Variants in DOCK1 observed in about 807,000 individuals in gnomAD.
The protein encoded by DOCK1 is dedicator of cytokinesis 1.
A neutral mutation model predicts 262.7 loss-of-function variants in DOCK1; 138 were observed. The observed-to-expected ratio is 0.53, with a 90% CI of 0.46 to 0.61. The LOEUF (loss-of-function observed/expected upper bound fraction) is 0.61, where lower values mean the gene tolerates loss of function less well. Ranked by LOEUF, DOCK1 falls within the 20% of genes least tolerant of loss-of-function variation. DOCK1 has a pLI of 0.00. For synonymous variants in DOCK1, 866 were observed against 867.4 expected, an observed-to-expected ratio of 1.00 and a Z score of 0.03; for missense variants, 1,908 against 2,370.7, an observed-to-expected ratio of 0.80 and a Z score of 4.05.
At chr10:127,195,352 T>C (rs1302987046) in intron 27 of DOCK1, among the ~76,000 whole-genome samples, 1 of 152,136 alleles carries the variant, frequency 6.6e-6, no homozygotes, top group Non-Finnish European at 1.5e-5. Context: ...CCGGTCTGAC[T>C]CGGGCTGCCA....
At position 127,446,049 on chromosome 10, in the gene DOCK1, G is replaced by A. The variant is rs11018101; in HGVS notation, c.5414-1345G>A. The stretch of plus-strand genomic sequence containing the variant: ...GTGGATCAGCTGAGGTCAGGAGTTC[G>A]AGACCAGCCAGTCAACATGGTAAAA... On this transcript the variant is annotated intron_variant, in intron 50 of 51. Coordinates refer to ENST00000623213, the MANE Select transcript of DOCK1 (RefSeq NM_001290223.2). This position sits in a 1 kb window ranked among gnomAD's most constrained non-coding sequence, Gnocchi z 4.4. Among the ~76,000 whole-genome samples, 49,680 of 152,036 alleles carry A rather than the reference G, an allele frequency of 0.33. 8,452 individuals are homozygous for A. The highest frequency in any genetic ancestry group is 0.44 in the East Asian group (2,279 of 5,146).
At chr10:127,046,894 T>C (rs1371964667) in intron 21 of DOCK1, among the ~76,000 whole-genome samples, 3 of 152,160 alleles carry the variant, frequency 2.0e-5, no homozygotes, top group Admixed American at 6.5e-5. Flanking sequence ...GTCTGGCCTT[T>C]ACTGGCTCAC....
At chr10:127,322,774 A>G (rs1321730089) in intron 29 of DOCK1, among the ~76,000 whole-genome samples, 5 of 152,256 alleles carry the variant, frequency 3.3e-5, no homozygotes, top group Non-Finnish European at 7.3e-5. Flanking sequence ...AGCAGAGTCT[A>G]TTAGTGAATG....
chr10:127,409,467 C>G, intron 42 of DOCK1, 76 bp downstream of exon 42: 1 of 1,487,586 alleles, frequency 6.7e-7, no homozygotes, highest in Non-Finnish European at 9.4e-7. Context: ...ATAATTCCAC[C>G]TTTTAAAGGA....
At chr10:127,268,382 C>T (rs1336355609) in intron 29 of DOCK1, among the ~76,000 whole-genome samples, 1 of 151,318 alleles carries the variant, frequency 6.6e-6, no homozygotes, top group Non-Finnish European at 1.5e-5. Context: ...TGCATGTAGC[C>T]CCAGCTACTC....
chr10:127,161,315 A>C (rs945824575), intron 27 of DOCK1, among the ~76,000 whole-genome samples: 1 of 151,972 alleles, frequency 6.6e-6, no homozygotes, highest in Non-Finnish European at 1.5e-5. Context: ...TTCATAACCA[A>C]CTCCCAGGAT....
chr10:126,953,825 T>C (rs1359031178), intron 1 of DOCK1, among the ~76,000 whole-genome samples: 1 of 152,046 alleles, frequency 6.6e-6, no homozygotes, highest in Non-Finnish European at 1.5e-5. Context: ...AGGTGGAGCA[T>C]TGGGGAACTG....
rs1435712371 is a variant in DOCK1 at position 126,999,429 on chromosome 10, G to A, written c.843G>A (p.Val281=). The change falls in exon 9 of 52, where the codon GTG becomes GTA. Residue 281 remains valine, a synonymous_variant. Coordinates refer to ENST00000623213, the MANE Select transcript of DOCK1 (RefSeq NM_001290223.2). ...DIDRLHNLRA[V]FTDLGSKDLK... ...ACAGATTACATAATTTGCGAGCCGTGTTTACTGTAAGTGCACCCAAAGATG... is the reference window on the plus strand; with the variant it reads ...ACAGATTACATAATTTGCGAGCCGTATTTACTGTAAGTGCACCCAAAGATG... The A allele has an allele frequency of 2.7e-5, 43 of 1,612,792 alleles. No homozygotes were observed. The highest frequency in any genetic ancestry group is 3.6e-5 in the Non-Finnish European group (42 of 1,179,410).
intron 29 of DOCK1, among the ~76,000 whole-genome samples, chr10:127,263,826 G>A (rs2060262737): frequency 6.6e-6 from 1 of 152,154 alleles, no homozygotes; most frequent in African/African-American, 2.4e-5. Context: ...GTGACCACTT[G>A]CTTGAATTTT....
At chr10:126,960,044 G>A (rs1296633842) in intron 1 of DOCK1, among the ~76,000 whole-genome samples, 2 of 152,152 alleles carry the variant, frequency 1.3e-5, no homozygotes, top group Non-Finnish European at 2.9e-5. Flanking sequence ...CTGACCTCAG[G>A]TGATCCGCCC....
intron 35 of DOCK1, among the ~76,000 whole-genome samples, chr10:127,379,596 C>T (rs1002913269): frequency 6.6e-6 from 1 of 152,188 alleles, no homozygotes; most frequent in Non-Finnish European, 1.5e-5. Flanking sequence ...TATGTGGCTA[C>T]TGGCTAGTGT....
chr10:127,343,261 C>G (rs2063504793), intron 30 of DOCK1, among the ~76,000 whole-genome samples: 1 of 152,138 alleles, frequency 6.6e-6, no homozygotes, highest in African/African-American at 2.4e-5. Context: ...AAAGAGCTAA[C>G]ATTGATGAAG....
rs370615648 is a variant in DOCK1 at position 127,159,098 on chromosome 10, C to T, written c.2847+31334C>T. On this transcript the variant is annotated intron_variant, in intron 27 of 51. Coordinates refer to ENST00000623213, the MANE Select transcript of DOCK1 (RefSeq NM_001290223.2). Reference sequence around the variant, plus strand: ...GGAAGCTATAAGAACATAGACTCTGCGACAGTGCATGAAAGAGAAGGTGAT... The same window carrying T: ...GGAAGCTATAAGAACATAGACTCTGTGACAGTGCATGAAAGAGAAGGTGAT... Among the ~76,000 whole-genome samples the T allele has an allele frequency of 4.0e-3, 616 of 152,174 alleles. 1 individual carries two copies. Among genetic ancestry groups the T allele is most frequent in the Admixed American group, 7.2e-3 (110 of 15,296 alleles).
At chr10:127,355,834 C>G (rs748410034) in intron 32 of DOCK1, among the ~76,000 whole-genome samples, 2 of 152,202 alleles carry the variant, frequency 1.3e-5, no homozygotes, top group Non-Finnish European at 2.9e-5. Context: ...ACCCAGCGAG[C>G]CACGCTTCAC....
chr10:127,227,001 T>C lies in DOCK1; in HGVS notation c.2848-21007T>C, dbSNP rs540848667. On this transcript the variant is annotated intron_variant, in intron 27 of 51. Transcript: ENST00000623213. Reference sequence around the variant, plus strand: ...ACAGGGGCAGAGACCATGTTGCGTATTTTCTTCCATGCCCCAAGCCCCAGC... The same window carrying C: ...ACAGGGGCAGAGACCATGTTGCGTACTTTCTTCCATGCCCCAAGCCCCAGC... Among the ~76,000 whole-genome samples, 60 of 152,262 alleles carry C rather than the reference T, an allele frequency of 3.9e-4. 1 individual carries two copies. Among genetic ancestry groups the C allele is most frequent in the African/African-American group, 1.4e-3 (60 of 41,546 alleles).
At chr10:127,143,025 C>A (rs181287515) in intron 27 of DOCK1, among the ~76,000 whole-genome samples, 1 of 152,190 alleles carries the variant, frequency 6.6e-6, no homozygotes, top group South Asian at 2.1e-4. Flanking sequence ...CACTTCTCCC[C>A]GCTGCCGCAT....
Position 127,175,397 on chromosome 10 carries a change from G to A in DOCK1, c.2847+47633G>A. On this transcript the variant is annotated intron_variant, in intron 27 of 51. Transcript: ENST00000623213. The surrounding 1 kb of genome is among the most constrained non-coding windows in gnomAD (Gnocchi z 6.3). The stretch of plus-strand genomic sequence containing the variant: ...CAGCAACCGCTGTGGGACTAGGCTG[G>A]TTCCCCAGCCCCGGCGGGGTGTGAG... 6.2e-7 allele frequency: 1 copy of A among 1,613,702 alleles called. No homozygotes were observed. The highest frequency in any genetic ancestry group is 8.5e-7 in the Non-Finnish European group (1 of 1,180,040).
intron 29 of DOCK1, among the ~76,000 whole-genome samples, chr10:127,310,971 C>G (rs1214263960): frequency 6.6e-6 from 1 of 152,070 alleles, no homozygotes; most frequent in East Asian, 1.9e-4. Flanking sequence ...TTCAAGAACC[C>G]AAACTTGAAC....
At chr10:127,405,441 CTTTTT>C (rs36056116) in intron 40 of DOCK1, among the ~76,000 whole-genome samples, 1 of 134,158 alleles carries the variant, frequency 7.5e-6, no homozygotes. Flanking sequence ...TTTCTTATGA[CTTTTT>C]TTTTTTTTTT....
Sources: allele counts gnomAD v4.1 joint callset (sites outside exome capture counted in the v4.1 genomes callset), GRCh38; gene constraint gnomAD v4.1.1; non-coding constraint Gnocchi (gnomAD v3.1); transcripts MANE v1.5; gene names NCBI Gene and HGNC (gene_info 2026-07-23, HGNC 2026-07-21).